HEATR5B: variants seen among roughly 807,000 people sequenced by gnomAD.
HEATR5B encodes the protein HEAT repeat-containing protein 5B.
Under a neutral mutation model 224.1 loss-of-function variants are expected in HEATR5B, and 156 were observed. That is an observed-to-expected ratio of 0.70 (90% confidence interval 0.61 to 0.80). The LOEUF is 0.80. Among genes scored for constraint, HEATR5B ranks in the 30% least tolerant of loss-of-function variants. The pLI is 0.00. For synonymous variants in HEATR5B, 1,027 were observed against 893.0 expected, an observed-to-expected ratio of 1.15 and a Z score of -2.68; for missense variants, 2,323 against 2,535.5, an observed-to-expected ratio of 0.92 and a Z score of 1.80.
rs947902837 is a variant in HEATR5B, at chr2:36,981,038, A to C, written c.*452T>G. The C allele has an allele frequency of 6.5e-6, 1 of 152,704 alleles. No homozygotes were observed. 9.5% of individuals were successfully genotyped at this position (152,704 alleles called of 1,614,324 possible). A position where few individuals can be genotyped will look rare whatever the true frequency, so the allele number is the denominator to read the frequency against. On this transcript the variant is annotated 3_prime_UTR_variant, in exon 36 of 36. Coordinates refer to ENST00000233099, the MANE Select transcript of HEATR5B (RefSeq NM_019024.3). Reference sequence around the variant, plus strand: ...TAGAAAATGCTGTGATTTTATTCATAGTATATACACCACAAAACAGACACT... The same window carrying C: ...TAGAAAATGCTGTGATTTTATTCATCGTATATACACCACAAAACAGACACT...
intron 21 of HEATR5B, among the ~76,000 whole-genome samples, chr2:37,035,445 C>A (rs1024805154): frequency 1.3e-5 from 2 of 152,134 alleles, no homozygotes; most frequent in African/African-American, 4.8e-5. Flanking sequence ...AGTATCCTTG[C>A]AATACTACCC....
intron 31 of HEATR5B, 30 bp downstream of exon 31, chr2:37,003,512 C>T (rs997773757): frequency 5.4e-6 from 8 of 1,475,460 alleles, no homozygotes; most frequent in Admixed American, 3.8e-5. Flanking sequence ...ATAAGATTTA[C>T]TTCAAGTTAG....
chr2:37,068,909 T>G lies in HEATR5B; in HGVS notation c.949A>C (p.Thr317Pro). ...VTQAYVVFVT[T>P]LGGQWLERSF... ...CGCTCCAACCACTGACCACCCAATG[T>G]TGTCACAAAAACAACATACGCCTGT... Residue 317 changes from threonine to proline, a missense_variant, in exon 8 of 36, where the codon ACA becomes CCA. Around this residue, in one of 12 missense-constraint regions of HEATR5B, gnomAD observed 502 missense variants for 517.8 expected, o/e 0.97. Transcript: ENST00000233099. 1 of 1,613,756 alleles carries G rather than the reference T, an allele frequency of 6.2e-7. No individual in the cohort carries two copies.
chr2:36,982,806 CCAT>C (rs761306281), intron 35 of HEATR5B, among the ~76,000 whole-genome samples: 2 of 147,478 alleles, frequency 1.4e-5, no homozygotes, highest in Non-Finnish European at 3.0e-5. Context: ...ATTGATATAT[CCAT>C]CATCACTATA....
chr2:37,082,564 C>A (rs966142112), intron 2 of HEATR5B, among the ~76,000 whole-genome samples: 3 of 152,188 alleles, frequency 2.0e-5, no homozygotes, highest in South Asian at 2.1e-4. Context: ...CGCTTAAAGG[C>A]GCTCTTAAAC....
intron 33 of HEATR5B, among the ~76,000 whole-genome samples, chr2:36,999,936 C>T (rs1020819767): frequency 3.3e-5 from 5 of 150,888 alleles, no homozygotes; most frequent in Admixed American, 3.3e-4. Flanking sequence ...CACTTGAACC[C>T]GGGAGGCGGA....
Position 36,988,717 on chromosome 2 carries a change from A to G in HEATR5B, c.5840T>C (p.Ile1947Thr), listed in dbSNP as rs148256206. Residue 1947 changes from isoleucine (I) to threonine (T), a missense_variant, in exon 35 of 36, where the codon ATA (isoleucine) becomes ACA (threonine). This residue lies in a region of HEATR5B where 844 missense variants were observed against 812.9 expected (regional missense o/e 1.04). Coordinates refer to ENST00000233099, the MANE Select transcript of HEATR5B (RefSeq NM_019024.3). ...TCCTTCTTGAACCGCTAAAAGCTCT[A>G]TGTTACTGGCTGGTCTGTTTCTTTC... ...AVERNRPASN[I>T]ELLAVQEGIK... The G allele has an allele frequency of 4.2e-4, 683 of 1,614,158 alleles. 9 individuals are homozygous for G. The African/African-American group carries it at 8.3e-3, about 20-fold the overall frequency.
rs1245186893 is a variant in HEATR5B, at chr2:37,040,826, T to TA, written c.2856+306dup. On this transcript the variant is annotated intron_variant, in intron 19 of 35. Coordinates refer to ENST00000233099, the MANE Select transcript of HEATR5B (RefSeq NM_019024.3). ...AGGAAGAGAGAGAAGGATGGTTATT[T>TA]AAAAAAAAAACTTGATCAAGCTAAC... Among the ~76,000 whole-genome samples the TA allele has an allele frequency of 5.1e-4, 75 of 147,096 alleles. 1 individual carries two copies. Among genetic ancestry groups the TA allele is most frequent in the African/African-American group, 1.2e-3 (49 of 40,178 alleles).
At chr2:37,063,864 TG>T (rs1671431666) in intron 10 of HEATR5B, among the ~76,000 whole-genome samples, 1 of 151,942 alleles carries the variant, frequency 6.6e-6, no homozygotes, top group Non-Finnish European at 1.5e-5. Flanking sequence ...CAGGCTGGAA[TG>T]CAGTGGTGCA....
chr2:37,075,349 A>G lies in HEATR5B; in HGVS notation c.597+136T>C, dbSNP rs1572944749. On this transcript the variant is annotated intron_variant, in intron 5 of 35. Coordinates refer to ENST00000233099, the MANE Select transcript of HEATR5B (RefSeq NM_019024.3). ...GTACATCTCATGATGTGATACTATTATATATAATTCTAGAAAATGAAACTA... is the reference window on the plus strand; with the variant it reads ...GTACATCTCATGATGTGATACTATTGTATATAATTCTAGAAAATGAAACTA... 7 of 617,788 alleles carry G rather than the reference A, an allele frequency of 1.1e-5. 1 individual carries two copies. In the East Asian group the frequency reaches 2.0e-4, roughly 18 times the overall value. 38.3% of individuals were successfully genotyped at this position (617,788 alleles called of 1,614,324 possible). A position where few individuals can be genotyped will look rare whatever the true frequency, so the allele number is the denominator to read the frequency against.
chr2:37,039,203 A>C (rs1314926962), intron 20 of HEATR5B, among the ~76,000 whole-genome samples: 1 of 150,632 alleles, frequency 6.6e-6, no homozygotes, highest in African/African-American at 2.4e-5. Flanking sequence ...GTGGTGGCTC[A>C]CGCCTGTAAT....
chr2:37,004,445 C>A (rs1025549064), intron 30 of HEATR5B, among the ~76,000 whole-genome samples: 4 of 151,430 alleles, frequency 2.6e-5, no homozygotes, highest in South Asian at 4.2e-4. Context: ...CATGTCCCCC[C>A]TGCACTATTC....
Position 37,049,834 on chromosome 2 carries a change from C to T in HEATR5B, c.2515G>A (p.Glu839Lys). Reference sequence around the variant, plus strand: ...TCAGGTCCTAAAGTACTTTTGTTTTCAGCTAAGCCCTACATTAAAAAAAAA... The same window carrying T: ...TCAGGTCCTAAAGTACTTTTGTTTTTAGCTAAGCCCTACATTAAAAAAAAA... ...AVLSALKGLA[E>K]NKSTLGPEEV... Residue 839 changes from glutamate to lysine, a missense_variant, in exon 18 of 36, where the codon GAA becomes AAA. Physicochemically the swap from Glu to Lys is moderately conservative, Grantham distance 56. Transcript: ENST00000233099. 8.3e-7 allele frequency: 1 copy of T among 1,204,432 alleles called. No homozygotes were observed. The highest frequency in any genetic ancestry group is 1.1e-6 in the Non-Finnish European group (1 of 880,672). The allele number at this position is 1,204,432 out of a possible 1,614,324, so 74.6% of individuals were successfully genotyped here.
In HEATR5B at chr2:37,020,574, C is replaced by T. The variant is rs6544051; in HGVS notation, c.4035+81G>A. On this transcript the variant is annotated intron_variant, in intron 25 of 35. Transcript: ENST00000233099. ...AATAAACAGATTGCAGTTCCAAATG[C>T]AGTCCTCCAGGAAGTCTGCACTTCT... 5,166 of 982,872 alleles carry T rather than the reference C, an allele frequency of 5.3e-3. 186 individuals are homozygous for T. In the African/African-American group the frequency reaches 0.078, roughly 15 times the overall value. The allele number at this position is 982,872 out of a possible 1,614,324, so 60.9% of individuals were successfully genotyped here.
At chr2:36,983,557 A>G (rs1219733560) in intron 35 of HEATR5B, among the ~76,000 whole-genome samples, 2 of 151,416 alleles carry the variant, frequency 1.3e-5, no homozygotes, top group Non-Finnish European at 2.9e-5. Flanking sequence ...AAAACAAAAC[A>G]AAACAAAAAA....
intron 20 of HEATR5B, 44 bp from the exon 21 acceptor site, chr2:37,038,068 A>T (rs750424967): frequency 8.2e-7 from 1 of 1,225,906 alleles, no homozygotes; most frequent in Admixed American, 2.7e-5. Context: ...TTATTTTATT[A>T]GTACCACCAA....
chr2:37,012,723 G>A (rs1008580921), intron 27 of HEATR5B, among the ~76,000 whole-genome samples: 1 of 152,148 alleles, frequency 6.6e-6, no homozygotes, highest in Non-Finnish European at 1.5e-5. Flanking sequence ...ACAGAGGAAG[G>A]TGCTGAAGAC....
chr2:37,066,355 T>C (rs1178826869), intron 8 of HEATR5B, among the ~76,000 whole-genome samples: 2 of 152,242 alleles, frequency 1.3e-5, no homozygotes, highest in African/African-American at 4.8e-5. Flanking sequence ...AAAAAGTCAG[T>C]GCATATAAAG....
chr2:36,982,498 T>C (rs1255068158), intron 35 of HEATR5B, among the ~76,000 whole-genome samples: 1 of 152,134 alleles, frequency 6.6e-6, no homozygotes, highest in Non-Finnish European at 1.5e-5. Context: ...TATATGTAAT[T>C]GTGTGTGTGT....
Sources: gnomAD v4.1 joint callset for allele counts (sites outside exome capture counted in the v4.1 genomes callset) on GRCh38, gnomAD v4.1.1 for gene constraint, gnomAD v4.1.1 regional missense constraint, MANE v1.5 for transcripts, NCBI Gene and HGNC (gene_info 2026-07-23, HGNC 2026-07-21) for gene names.